The following AFF4 variants were observed in gnomAD, a reference collection of about 807,000 sequenced individuals.
The protein encoded by AFF4 is ALF transcription elongation factor 4, also known as AF4/FMR2 family member 4.
AFF4 carries 13 observed loss-of-function variants against 124.8 expected under a neutral mutation model. The observed-to-expected ratio is 0.10, with a 90% CI of 0.07 to 0.17. AFF4 has a LOEUF of 0.17. Ranked by LOEUF, AFF4 falls within the 10% of genes least tolerant of loss-of-function variation. The probability of loss-of-function intolerance (pLI) is 1.00; values close to 1 mark genes in which losing one functional copy is unlikely to be tolerated. For synonymous variants in AFF4, 477 were observed against 496.1 expected (o/e 0.96, Z 0.51); for missense variants, 1,092 against 1,403.8 (o/e 0.78, Z 3.55).
chr5:132,924,392 G>A (rs1054430413), intron 5 of AFF4, among the ~76,000 whole-genome samples: 1 of 152,150 alleles, frequency 6.6e-6, no homozygotes, highest in Non-Finnish European at 1.5e-5. Context: ...TGAAATTCTA[G>A]AAAAAGCAAA....
intron 5 of AFF4, among the ~76,000 whole-genome samples, chr5:132,921,545 T>C (rs951160842): frequency 6.6e-6 from 1 of 150,592 alleles, no homozygotes; most frequent in African/African-American, 2.4e-5. Context: ...CTCGGCTCAC[T>C]GCAACCTCCA....
chr5:132,947,708 A>G (rs1761733194), intron 1 of AFF4, among the ~76,000 whole-genome samples: 1 of 152,188 alleles, frequency 6.6e-6, no homozygotes, highest in South Asian at 2.1e-4. Context: ...TCAACAGTAC[A>G]TAAATCCCTC....
At chr5:132,935,924 T>TAAA (rs750757510) in intron 2 of AFF4, among the ~76,000 whole-genome samples, 1 of 133,820 alleles carries the variant, frequency 7.5e-6, no homozygotes, top group Non-Finnish European at 1.6e-5. Flanking sequence ...TTCCTTCTCA[T>TAAA]AAAAAAAAAA....
chr5:132,882,797 T>G (rs1760015291), intron 20 of AFF4, among the ~76,000 whole-genome samples: 1 of 144,928 alleles, frequency 6.9e-6, no homozygotes, highest in African/African-American at 2.6e-5. Flanking sequence ...GAAGCTGCAG[T>G]GAGTCGAGAT....
intron 1 of AFF4, among the ~76,000 whole-genome samples, chr5:132,948,163 GC>G (rs1409855286): frequency 6.6e-6 from 1 of 151,924 alleles, no homozygotes; most frequent in African/African-American, 2.4e-5. Context: ...CAATTCTCGT[GC>G]CTCAGCCTCC....
At chr5:132,885,503 T>C (rs1465323170) in intron 18 of AFF4, among the ~76,000 whole-genome samples, 1 of 150,530 alleles carries the variant, frequency 6.6e-6, no homozygotes, top group Non-Finnish European at 1.5e-5. Context: ...AGGGGAGAGA[T>C]GAATCATACT....
chr5:132,944,566 G>C (rs895089100), intron 1 of AFF4, among the ~76,000 whole-genome samples: 8 of 152,120 alleles, frequency 5.3e-5, no homozygotes, highest in African/African-American at 7.2e-5. Context: ...GGGAATGCTT[G>C]AGCCTGAGAG....
intron 4 of AFF4, 41 bp from the exon 5 acceptor site, chr5:132,927,248 G>A (rs1388689317): frequency 1.9e-6 from 3 of 1,567,896 alleles, no homozygotes; most frequent in South Asian, 2.3e-5. Flanking sequence ...ACCAGGTCAA[G>A]GATAAAAATT....
At chr5:132,908,735 T>C (rs1461793907) in intron 5 of AFF4, among the ~76,000 whole-genome samples, 1 of 148,248 alleles carries the variant, frequency 6.7e-6, no homozygotes, top group East Asian at 2.0e-4. Flanking sequence ...CACTCATATA[T>C]AATCTATACA....
intron 6 of AFF4, chr5:132,904,116 G>A (rs1760615018): frequency 2.6e-6 from 1 of 386,586 alleles, no homozygotes; most frequent in South Asian, 3.3e-5. Context: ...AATCAGCCAG[G>A]CATAGTGGCA....
At chr5:132,883,193 C>G in intron 20 of AFF4, 147 bp downstream of exon 20, 1 of 773,140 alleles carries the variant, frequency 1.3e-6, no homozygotes, top group East Asian at 2.7e-5. Context: ...TATTGTTTAA[C>G]TGCTAAGCAA....
chr5:132,899,468 G>A (rs1760493723), intron 8 of AFF4, 119 bp downstream of exon 8: 1 of 923,246 alleles, frequency 1.1e-6, no homozygotes, highest in African/African-American at 1.7e-5. Context: ...ACATTTCAGT[G>A]TCAGAAAGCT....
chr5:132,944,673 G>A (rs912060777), intron 1 of AFF4, among the ~76,000 whole-genome samples: 3 of 151,820 alleles, frequency 2.0e-5, no homozygotes, highest in Admixed American at 6.6e-5. Context: ...GCTCACGCCC[G>A]TAATCCCAGC....
At chr5:132,905,072 C>A (rs927650783) in intron 5 of AFF4, among the ~76,000 whole-genome samples, 2 of 147,646 alleles carry the variant, frequency 1.4e-5, no homozygotes, top group Admixed American at 6.8e-5. Flanking sequence ...AAAAAGTATA[C>A]CACTTTTATG....
chr5:132,907,448 C>T (rs1259483703), intron 5 of AFF4, among the ~76,000 whole-genome samples: 1 of 152,170 alleles, frequency 6.6e-6, no homozygotes, highest in East Asian at 1.9e-4. Context: ...GGGCCCTGCC[C>T]CCATGGAGCT....
chr5:132,950,235 G>A (rs941355494), intron 1 of AFF4, among the ~76,000 whole-genome samples: 1 of 152,142 alleles, frequency 6.6e-6, no homozygotes, highest in African/African-American at 2.4e-5. Context: ...CAGCACCTTG[G>A]GAGGCCGAGG....
intron 1 of AFF4, chr5:132,948,719 G>T: frequency 5.0e-6 from 1 of 199,604 alleles, no homozygotes. Context: ...TTGGCCTTGA[G>T]GAAGAAGACA....
At chr5:132,949,078 T>C (rs530922729) in intron 1 of AFF4, among the ~76,000 whole-genome samples, 10 of 152,120 alleles carry the variant, frequency 6.6e-5, no homozygotes, top group African/African-American at 2.2e-4. Flanking sequence ...TGGGACTCAG[T>C]GACGGGTCTA....
chr5:132,919,963 G>A (rs1358676251), intron 5 of AFF4, among the ~76,000 whole-genome samples: 1 of 151,710 alleles, frequency 6.6e-6, no homozygotes, highest in African/African-American at 2.4e-5. Flanking sequence ...GGGCAACACA[G>A]AGAGACCTGG....
Sources: allele counts gnomAD v4.1 joint callset (sites outside exome capture counted in the v4.1 genomes callset), GRCh38; gene constraint gnomAD v4.1.1; transcripts MANE v1.5; gene names NCBI Gene and HGNC (gene_info 2026-07-23, HGNC 2026-07-21).